The following CLEC16A variants were observed in gnomAD, a reference collection of about 807,000 sequenced individuals.
CLEC16A encodes protein CLEC16A.
A neutral mutation model predicts 109.5 loss-of-function variants in CLEC16A; 51 were observed. The ratio of observed to expected loss-of-function variants is 0.47; its 90% CI spans 0.37 to 0.59. The LOEUF is 0.59. CLEC16A is among the 20% of genes least tolerant of loss of function. The pLI, the probability that CLEC16A is intolerant of heterozygous loss-of-function variation, is 0.00. For missense variants in CLEC16A, 1,339 were observed against 1,394.0 expected (o/e 0.96, Z 0.63); for synonymous variants, 673 against 564.2 (o/e 1.19, Z -2.73).
At chr16:11,087,973 T>G (rs1241959881) in intron 19 of CLEC16A, among the ~76,000 whole-genome samples, 1 of 152,242 alleles carries the variant, frequency 6.6e-6, no homozygotes, top group Non-Finnish European at 1.5e-5. Flanking sequence ...GGGACAAGTC[T>G]GAGAGCCTTT....
Position 10,973,045 on chromosome 16 carries a change from G to C in CLEC16A, c.712G>C (p.Val238Leu). ...CCATGTGATCGAACTCGATGACTGC[G>C]TGCAGACTGATGAGGAGTAAGTGAC... ...GSHVIELDDC[V>L]QTDEEHRNRG... is the part of the protein sequence containing the mutation. Residue 238 changes from valine (V) to leucine (L), a missense_variant, in exon 7 of 24, where the codon GTG becomes CTG. Physicochemically the swap from Val to Leu is conservative, Grantham distance 32. This residue lies in a region of CLEC16A where 161 missense variants were observed against 267.1 expected (regional missense o/e 0.60). Coordinates refer to ENST00000409790, the MANE Select transcript of CLEC16A (RefSeq NM_015226.3). 6.2e-7 allele frequency: 1 copy of C among 1,606,756 alleles called. No individual in the cohort carries two copies. Among genetic ancestry groups the C allele is most frequent in the Non-Finnish European group, 8.5e-7 (1 of 1,176,350 alleles).
rs988120488 is a variant in CLEC16A, at chr16:11,066,068, C to G, written c.2116+5046C>G. Among the ~76,000 whole-genome samples, 3 of 152,128 alleles carry G rather than the reference C, an allele frequency of 2.0e-5. No individual in the cohort carries two copies. The East Asian group carries it at 5.8e-4, about 29-fold the overall frequency. ...GCATGGACTCAGGGGCCAGACTGTG[C>G]CTGGATGGAAGTCCCAGCTTTGCTG... On this transcript the variant is annotated intron_variant, in intron 19 of 23. Coordinates refer to ENST00000409790, the MANE Select transcript of CLEC16A (RefSeq NM_015226.3).
intron 10 of CLEC16A, among the ~76,000 whole-genome samples, chr16:10,996,008 G>T (rs2044305543): frequency 6.6e-6 from 1 of 152,046 alleles, no homozygotes; most frequent in Non-Finnish European, 1.5e-5. Context: ...TCCTTTACCT[G>T]ATGCCTCTGG....
intron 10 of CLEC16A, among the ~76,000 whole-genome samples, chr16:10,985,304 A>C (rs9652599): frequency 6.6e-6 from 1 of 150,426 alleles, no homozygotes. Flanking sequence ...TCTTTGCAGT[A>C]TTTAAAAGAA....
chr16:10,978,514 C>G (rs544091924), intron 8 of CLEC16A, among the ~76,000 whole-genome samples: 26 of 152,338 alleles, frequency 1.7e-4, no homozygotes, highest in Non-Finnish European at 3.5e-4. Context: ...TCAGGTGATA[C>G]GCCTGCCTCG....
At chr16:11,065,937 T>C (rs2048730905) in intron 19 of CLEC16A, among the ~76,000 whole-genome samples, 1 of 152,090 alleles carries the variant, frequency 6.6e-6, no homozygotes. Context: ...GGGACATCTG[T>C]CCCAAACGGA....
At chr16:10,996,003 T>C (rs533320467) in intron 10 of CLEC16A, among the ~76,000 whole-genome samples, 17 of 152,244 alleles carry the variant, frequency 1.1e-4, no homozygotes, top group African/African-American at 3.1e-4. Context: ...CTCCTTCCTT[T>C]ACCTGATGCC....
chr16:11,081,966 A>C (rs1360439981), intron 19 of CLEC16A, among the ~76,000 whole-genome samples: 1 of 152,208 alleles, frequency 6.6e-6, no homozygotes. Context: ...TGGGAGGCAG[A>C]GGTTGCAGTG....
chr16:11,018,780 G>A (rs2045923010), intron 11 of CLEC16A, among the ~76,000 whole-genome samples: 1 of 150,766 alleles, frequency 6.6e-6, no homozygotes, highest in Non-Finnish European at 1.5e-5. Context: ...GACAAGCTTG[G>A]GATGTTCAAG....
At position 11,062,524 on chromosome 16, in the gene CLEC16A, C is replaced by T. The variant is rs147454258; in HGVS notation, c.2116+1502C>T. On this transcript the variant is annotated intron_variant, in intron 19 of 23. Transcript: ENST00000409790. ...GAATGAAATAGAACATGAAATATCA[C>T]GTGACCAAGCATAGTGCCTACCGTG... Among the ~76,000 whole-genome samples, 241 of 152,232 alleles carry T rather than the reference C, an allele frequency of 1.6e-3. 1 individual carries two copies. The highest frequency in any genetic ancestry group is 3.1e-3 in the Non-Finnish European group (209 of 68,018).
At chr16:11,119,205 T>C (rs879850704) in intron 19 of CLEC16A, among the ~76,000 whole-genome samples, 5 of 152,202 alleles carry the variant, frequency 3.3e-5, no homozygotes, top group Non-Finnish European at 7.3e-5. Flanking sequence ...TTTCACCATG[T>C]TGGCCAAGTT....
intron 19 of CLEC16A, among the ~76,000 whole-genome samples, chr16:11,092,947 A>G (rs2050396897): frequency 6.6e-6 from 1 of 152,254 alleles, no homozygotes; most frequent in Non-Finnish European, 1.5e-5. Context: ...AGTGGGAGAC[A>G]GGCCAGGAGG....
At chr16:11,020,605 G>A (rs2046042583) in intron 12 of CLEC16A, among the ~76,000 whole-genome samples, 1 of 152,234 alleles carries the variant, frequency 6.6e-6, no homozygotes, top group Admixed American at 6.5e-5. Context: ...TCTGTCTAAA[G>A]GACATGGGTT....
At chr16:11,083,755 C>T (rs1169138136) in intron 19 of CLEC16A, among the ~76,000 whole-genome samples, 2 of 152,240 alleles carry the variant, frequency 1.3e-5, no homozygotes, top group Non-Finnish European at 2.9e-5. Flanking sequence ...TGGGGCAAGC[C>T]CTCCACTTCC....
In CLEC16A at chr16:10,991,794, G is replaced by T. The variant is rs541312142; in HGVS notation, c.1071+8803G>T. Among the ~76,000 whole-genome samples the T allele has an allele frequency of 1.3e-4, 20 of 152,358 alleles. 1 individual carries two copies. In the South Asian group the frequency reaches 4.1e-3, roughly 32 times the overall value. ...CTTGAAACTGGTTTTGCTGCGGGAT[G>T]CTTTGCCTGATGGGAGCCTGAGGGC... On this transcript the variant is annotated intron_variant, in intron 10 of 23. Coordinates refer to ENST00000409790, the MANE Select transcript of CLEC16A (RefSeq NM_015226.3).
At chr16:11,119,030 C>G (rs192936894) in intron 19 of CLEC16A, among the ~76,000 whole-genome samples, 1 of 152,288 alleles carries the variant, frequency 6.6e-6, no homozygotes, top group East Asian at 1.9e-4. Flanking sequence ...GAGACAAGGT[C>G]TTATTCTGTC....
At chr16:11,151,439 T>TCCTCTGCACATATGTGTGCG (rs1426126163) in intron 22 of CLEC16A, among the ~76,000 whole-genome samples, 7 of 152,226 alleles carry the variant, frequency 4.6e-5, no homozygotes, top group Admixed American at 4.6e-4. Context: ...CAGGCTGAAG[T>TCCTCTGCACATATGTGTGCG]CCTCTGCACA....
chr16:11,103,333 A>G (rs974375601), intron 19 of CLEC16A, among the ~76,000 whole-genome samples: 2 of 152,168 alleles, frequency 1.3e-5, no homozygotes, highest in African/African-American at 4.8e-5. Context: ...TAATCCCAGC[A>G]CTTTGGGAGG....
At chr16:11,122,354 C>G (rs553423937) in intron 20 of CLEC16A, among the ~76,000 whole-genome samples, 4 of 152,298 alleles carry the variant, frequency 2.6e-5, no homozygotes, top group African/African-American at 9.6e-5. Flanking sequence ...GTGACTTATG[C>G]TTATCTATCT....
Sources: allele counts gnomAD v4.1 joint callset (sites outside exome capture counted in the v4.1 genomes callset), GRCh38; gene constraint gnomAD v4.1.1; regional missense constraint gnomAD v4.1.1; transcripts MANE v1.5; gene names NCBI Gene and HGNC (gene_info 2026-07-23, HGNC 2026-07-21).